Variants in BLTP1 observed in about 807,000 individuals in gnomAD.
BLTP1 encodes bridge-like lipid transfer protein family member 1, also known as fragile site-associated protein.
the BLTP1 span, among the ~76,000 whole-genome samples, chr4:122,239,238 T>C: frequency 7.2e-5 from 11 of 152,152 alleles, no homozygotes; most frequent in African/African-American, 2.7e-4. Context: ...TATAAGTGCA[T>C]TAGTGTCCAT....
chr4:122,164,535 CT>C, the BLTP1 span: 2 of 460,140 alleles, frequency 4.3e-6, no homozygotes, highest in African/African-American at 4.2e-5. Flanking sequence ...ACAGTTTTGA[CT>C]TATCCTATTG....
chr4:122,264,174 G>T, the BLTP1 span: 1 of 1,425,348 alleles, frequency 7.0e-7, no homozygotes. Flanking sequence ...GGCTTCAAAA[G>T]TTTACCCTGC....
At chr4:122,209,299 A>G in the BLTP1 span, 2 of 1,612,914 alleles carry the variant, frequency 1.2e-6, no homozygotes. Context: ...GTGGCCAGAA[A>G]ACAGTTAAAC....
At chr4:122,324,967 G>T in the BLTP1 span, among the ~76,000 whole-genome samples, 1 of 151,872 alleles carries the variant, frequency 6.6e-6, no homozygotes, top group Non-Finnish European at 1.5e-5. Flanking sequence ...TTTTATTGAA[G>T]TGAATACAGT....
chr4:122,176,769 C>T, the BLTP1 span, among the ~76,000 whole-genome samples: 1 of 152,084 alleles, frequency 6.6e-6, no homozygotes, highest in African/African-American at 2.4e-5. Context: ...TGTAATTTTC[C>T]TAATATTTTG....
chr4:122,352,878 A>G, the BLTP1 span: 4 of 1,611,424 alleles, frequency 2.5e-6, no homozygotes, highest in South Asian at 1.1e-5. Flanking sequence ...GCACTTCAGG[A>G]TATGTGTTTT....
chr4:122,190,173 T>C, the BLTP1 span: 45 of 1,490,268 alleles, frequency 3.0e-5, no homozygotes, highest in Non-Finnish European at 3.5e-5. Flanking sequence ...CATAGTCCAC[T>C]ATACCCTTGA....
At chr4:122,289,761 C>T in the BLTP1 span, 2 of 976,160 alleles carry the variant, frequency 2.0e-6, no homozygotes, top group African/African-American at 3.5e-5. Flanking sequence ...ATTTTTAAGC[C>T]ACATCCATAA....
chr4:122,264,559 G>T, the BLTP1 span: 1 of 677,916 alleles, frequency 1.5e-6, no homozygotes, highest in Non-Finnish European at 2.2e-6. Flanking sequence ...CAGCCTTCAT[G>T]CAAAACAGGA....
the BLTP1 span, chr4:122,291,641 A>T: frequency 1.5e-6 from 1 of 688,250 alleles, no homozygotes; most frequent in Non-Finnish European, 1.8e-6. Context: ...AGAAAGATGT[A>T]AGTAAGCACT....
the BLTP1 span, among the ~76,000 whole-genome samples, chr4:122,288,393 A>G: frequency 2.0e-4 from 30 of 152,120 alleles, no homozygotes; most frequent in Non-Finnish European, 3.7e-4. Context: ...AAATAAATCT[A>G]TTTTTGGCTG....
chr4:122,359,086 A>AG, the BLTP1 span, among the ~76,000 whole-genome samples: 1 of 151,670 alleles, frequency 6.6e-6, no homozygotes, highest in African/African-American at 2.4e-5. Context: ...TTAAAAAAAA[A>AG]AACAAAAAAG....
At chr4:122,293,077 T>C in the BLTP1 span, 4 of 947,348 alleles carry the variant, frequency 4.2e-6, no homozygotes, top group Non-Finnish European at 5.0e-6. Flanking sequence ...AGCTATAATT[T>C]CAAAATAATT....
At chr4:122,321,315 A>G in the BLTP1 span, among the ~76,000 whole-genome samples, 3 of 152,138 alleles carry the variant, frequency 2.0e-5, no homozygotes, top group Admixed American at 6.6e-5. Flanking sequence ...ACCTTAAAAC[A>G]AAATAATCAT....
At chr4:122,334,539 C>A in the BLTP1 span, 3 of 1,612,270 alleles carry the variant, frequency 1.9e-6, no homozygotes, top group Non-Finnish European at 8.5e-7. Flanking sequence ...CCCACCTATT[C>A]CTGCAGGTAT....
the BLTP1 span, among the ~76,000 whole-genome samples, chr4:122,218,221 T>C: frequency 1.3e-5 from 2 of 152,180 alleles, no homozygotes. Context: ...TAGACATTTA[T>C]GTTATTTTTT....
chr4:122,243,638 A>G, the BLTP1 span, among the ~76,000 whole-genome samples: 2 of 152,106 alleles, frequency 1.3e-5, no homozygotes. Flanking sequence ...AATCCCAGCT[A>G]CTTGGGAGGA....
chr4:122,307,261 AAAGT>A, the BLTP1 span, among the ~76,000 whole-genome samples: 33 of 152,148 alleles, frequency 2.2e-4, no homozygotes, highest in Admixed American at 2.0e-3. Flanking sequence ...TGCATGAAAC[AAAGT>A]TTTGACAGCA....
At chr4:122,159,875 T>G in the BLTP1 span, among the ~76,000 whole-genome samples, 1 of 152,230 alleles carries the variant, frequency 6.6e-6, no homozygotes, top group East Asian at 1.9e-4. Context: ...GAATGTTATT[T>G]TACCACATAA....
Sources: allele counts gnomAD v4.1 joint callset (sites outside exome capture counted in the v4.1 genomes callset), GRCh38; gene constraint gnomAD v4.1.1; transcripts MANE v1.5; gene names NCBI Gene and HGNC (gene_info 2026-07-23, HGNC 2026-07-21).